Variants in XYLT1 observed in about 807,000 individuals in gnomAD.
The protein encoded by XYLT1 is xylosyltransferase 1.
A neutral mutation model predicts 91.3 loss-of-function variants in XYLT1; 36 were observed. The ratio of observed to expected loss-of-function variants is 0.39; its 90% confidence interval spans 0.30 to 0.52. The LOEUF (loss-of-function observed/expected upper bound fraction) is 0.52, where lower values mean the gene tolerates loss of function less well. Among genes scored for constraint, XYLT1 ranks in the 20% least tolerant of loss-of-function variants. XYLT1 has a pLI of 0.68. For missense variants in XYLT1, 1,242 were observed against 1,284.5 expected, an observed-to-expected ratio of 0.97 and a Z score of 0.51; for synonymous variants, 588 against 532.0, an observed-to-expected ratio of 1.11 and a Z score of -1.45.
chr16:17,348,807 T>G (rs1002462005), intron 2 of XYLT1, among the ~76,000 whole-genome samples: 1 of 152,222 alleles, frequency 6.6e-6, no homozygotes, highest in Non-Finnish European at 1.5e-5. Context: ...CTGAACATTC[T>G]AGCATCGAAA....
At position 17,292,520 on chromosome 16, in the gene XYLT1, T is replaced by C. The variant is rs553566215; in HGVS notation, c.403-33022A>G. ...ACCTGCTGTGCAGGGCTCTTCACAATAGCCCCTGAAATTCAGAGAGGCTGG... is the reference window on the plus strand; with the variant it reads ...ACCTGCTGTGCAGGGCTCTTCACAACAGCCCCTGAAATTCAGAGAGGCTGG... On this transcript the variant is annotated intron_variant, in intron 2 of 11. Coordinates refer to ENST00000261381, the MANE Select transcript of XYLT1 (RefSeq NM_022166.4). 5.4e-4 allele frequency among the ~76,000 whole-genome samples: 83 copies of C among 152,358 alleles called. 1 individual carries two copies. Among genetic ancestry groups the C allele is most frequent in the African/African-American group, 1.9e-3 (79 of 41,594 alleles).
At chr16:17,162,495 C>A (rs569429166) in intron 5 of XYLT1, among the ~76,000 whole-genome samples, 1 of 151,806 alleles carries the variant, frequency 6.6e-6, no homozygotes, top group African/African-American at 2.4e-5. Context: ...TAGTAAAGTG[C>A]AGAACCAGAA....
intron 9 of XYLT1, among the ~76,000 whole-genome samples, chr16:17,129,191 G>A (rs2141498271): frequency 6.6e-6 from 1 of 152,042 alleles, no homozygotes; most frequent in Non-Finnish European, 1.5e-5. Context: ...CAGCGACTGT[G>A]CTGTCATTCT....
intron 2 of XYLT1, among the ~76,000 whole-genome samples, chr16:17,334,796 T>C (rs561567202): frequency 1.3e-5 from 2 of 152,046 alleles, no homozygotes; most frequent in African/African-American, 4.8e-5. Context: ...GGCAGGAGAA[T>C]GGCGTGAACC....
chr16:17,242,924 T>C (rs1261238145), intron 3 of XYLT1, among the ~76,000 whole-genome samples: 1 of 152,232 alleles, frequency 6.6e-6, no homozygotes, highest in African/African-American at 2.4e-5. Context: ...GGTGCATCCA[T>C]GTTGCAGCAT....
At chr16:17,446,705 C>A (rs933005229) in intron 1 of XYLT1, among the ~76,000 whole-genome samples, 21 of 152,312 alleles carry the variant, frequency 1.4e-4, no homozygotes, top group African/African-American at 4.6e-4. Context: ...GTCTGCATTA[C>A]AAGGAACTCC....
intron 11 of XYLT1, among the ~76,000 whole-genome samples, chr16:17,110,678 C>A (rs1430947754): frequency 6.6e-6 from 1 of 152,122 alleles, no homozygotes; most frequent in South Asian, 2.1e-4. Context: ...CCTCACACAC[C>A]TAAAAAACTA....
At chr16:17,420,497 G>A (rs532277738) in intron 1 of XYLT1, among the ~76,000 whole-genome samples, 4 of 152,234 alleles carry the variant, frequency 2.6e-5, no homozygotes, top group Admixed American at 2.6e-4. Context: ...GGAGACGCAG[G>A]GTAGGTACCT....
chr16:17,399,478 ATT>A lies in XYLT1; in HGVS notation c.364-41430_364-41429del, dbSNP rs2035935805. ...CTGTGGAAAACAGAAAACTCAATTTATTTAAGAATAAACAGGCTTTAACCTGA... is the reference window on the plus strand; with the variant it reads ...CTGTGGAAAACAGAAAACTCAATTTATAAGAATAAACAGGCTTTAACCTGA... On this transcript the variant is annotated intron_variant, in intron 1 of 11. Transcript: ENST00000261381. Among the ~76,000 whole-genome samples the A allele has an allele frequency of 3.3e-5, 5 of 152,336 alleles. No individual in the cohort carries two copies. The South Asian group carries it at 1.0e-3, about 32-fold the overall frequency.
chr16:17,390,899 A>T (rs1248815962), intron 1 of XYLT1, among the ~76,000 whole-genome samples: 1 of 152,148 alleles, frequency 6.6e-6, no homozygotes, highest in Non-Finnish European at 1.5e-5. Flanking sequence ...TTAGCTAGGC[A>T]TGGTGGTGCG....
intron 2 of XYLT1, among the ~76,000 whole-genome samples, chr16:17,300,687 T>G (rs2034382670): frequency 6.6e-6 from 1 of 151,748 alleles, no homozygotes; most frequent in Non-Finnish European, 1.5e-5. Context: ...CTGGAACTCC[T>G]GGGCTCAGAT....
intron 5 of XYLT1, among the ~76,000 whole-genome samples, chr16:17,190,106 A>G (rs971031873): frequency 6.6e-6 from 1 of 152,116 alleles, no homozygotes; most frequent in Admixed American, 6.5e-5. Flanking sequence ...TACAGAAAGG[A>G]GATTAGTGGT....
chr16:17,189,863 A>G (rs2032270200), intron 5 of XYLT1, among the ~76,000 whole-genome samples: 3 of 152,172 alleles, frequency 2.0e-5, no homozygotes, highest in Non-Finnish European at 4.4e-5. Context: ...ACTGACCAAC[A>G]TGGTGAAACC....
intron 1 of XYLT1, among the ~76,000 whole-genome samples, chr16:17,448,737 G>A (rs1432423863): frequency 6.6e-6 from 1 of 151,740 alleles, no homozygotes; most frequent in African/African-American, 2.4e-5. Context: ...AGGGGAGGAG[G>A]GTGGAGGAGG....
chr16:17,466,540 A>T (rs1377742164), intron 1 of XYLT1, among the ~76,000 whole-genome samples: 1 of 152,224 alleles, frequency 6.6e-6, no homozygotes, highest in Admixed American at 6.5e-5. Context: ...TTGAACAGTC[A>T]CCAGTAAATA....
intron 2 of XYLT1, among the ~76,000 whole-genome samples, chr16:17,282,795 A>G (rs2034077108): frequency 6.6e-6 from 1 of 152,250 alleles, no homozygotes; most frequent in Non-Finnish European, 1.5e-5. Context: ...GTGTGTATGA[A>G]TATTTTTATT....
intron 2 of XYLT1, among the ~76,000 whole-genome samples, chr16:17,339,172 G>T: frequency 6.6e-6 from 1 of 152,076 alleles, no homozygotes; most frequent in African/African-American, 2.4e-5. Flanking sequence ...TCATTTTTCT[G>T]GAATCTGTGA....
intron 5 of XYLT1, among the ~76,000 whole-genome samples, chr16:17,177,302 G>C (rs2031967096): frequency 6.6e-6 from 1 of 152,220 alleles, no homozygotes; most frequent in South Asian, 2.1e-4. Context: ...GTGCCAGTGA[G>C]ATTGCTTGAG....
chr16:17,389,254 A>G (rs949155802), intron 1 of XYLT1, among the ~76,000 whole-genome samples: 13 of 152,052 alleles, frequency 8.5e-5, no homozygotes, highest in Admixed American at 7.2e-4. Context: ...TATCATTTTT[A>G]TTTTTCTTAG....
Sources: allele counts gnomAD v4.1 joint callset (sites outside exome capture counted in the v4.1 genomes callset), GRCh38; gene constraint gnomAD v4.1.1; transcripts MANE v1.5; gene names NCBI Gene and HGNC (gene_info 2026-07-23, HGNC 2026-07-21).